Variants in CCDC92B observed in about 807,000 individuals in gnomAD.
CCDC92B encodes the protein coiled-coil domain containing 92B, also known as coiled-coil domain-containing 92B.
A neutral mutation model predicts 5.6 loss-of-function variants in CCDC92B; 2 were observed. The ratio of observed to expected loss-of-function variants is 0.36; its 90% CI spans 0.15 to 1.12. The LOEUF is 1.12. Among genes scored for constraint, CCDC92B ranks in the 50% most tolerant of loss-of-function variants. The probability of loss-of-function intolerance (pLI) is 0.40; values close to 1 mark genes in which losing one functional copy is unlikely to be tolerated. For missense variants in CCDC92B, 271 were observed against 262.2 expected, an observed-to-expected ratio of 1.03 and a Z score of -0.23; for synonymous variants, 115 against 122.3, an observed-to-expected ratio of 0.94 and a Z score of 0.39.
At chr17:2,745,992 T>C (rs1458644639) in intron 1 of CCDC92B, among the ~76,000 whole-genome samples, 12 of 151,960 alleles carry the variant, frequency 7.9e-5, no homozygotes, top group Admixed American at 5.3e-4. Flanking sequence ...TTCTTTTTTT[T>C]CCCCCCGAGA....
chr17:2,729,591 A>G (rs1478181709), intron 3 of CCDC92B, among the ~76,000 whole-genome samples: 1 of 152,126 alleles, frequency 6.6e-6, no homozygotes, highest in African/African-American at 2.4e-5. Flanking sequence ...TAGTTCTGAG[A>G]TCTTATAATC....
chr17:2,727,641 T>A (rs548655615), intron 3 of CCDC92B, among the ~76,000 whole-genome samples: 1 of 152,038 alleles, frequency 6.6e-6, no homozygotes, highest in African/African-American at 2.4e-5. Flanking sequence ...CTGGCCAGCA[T>A]GGCGAAACCC....
intron 1 of CCDC92B, among the ~76,000 whole-genome samples, chr17:2,744,197 A>AT (rs1428650339): frequency 1.4e-4 from 17 of 123,618 alleles, no homozygotes; most frequent in Non-Finnish European, 2.6e-4. Flanking sequence ...TTTTTTTTTC[A>AT]TTTTTTATTT....
At chr17:2,732,671 C>T (rs537935091) in intron 2 of CCDC92B, among the ~76,000 whole-genome samples, 12 of 151,534 alleles carry the variant, frequency 7.9e-5, no homozygotes, top group Admixed American at 5.3e-4. Context: ...GAGCTGAGAT[C>T]GTGCCACTGT....
intron 1 of CCDC92B, among the ~76,000 whole-genome samples, chr17:2,748,677 T>C (rs771702456): frequency 1.3e-5 from 2 of 152,182 alleles, no homozygotes; most frequent in African/African-American, 2.4e-5. Flanking sequence ...TGAGTCTTAC[T>C]GGGAATCACC....
At chr17:2,742,505 A>G (rs2070936133) in intron 1 of CCDC92B, among the ~76,000 whole-genome samples, 1 of 152,086 alleles carries the variant, frequency 6.6e-6, no homozygotes, top group African/African-American at 2.4e-5. Flanking sequence ...TTAATTCATG[A>G]TGATAGGGAG....
intron 1 of CCDC92B, among the ~76,000 whole-genome samples, chr17:2,739,352 C>T (rs555605059): frequency 4.7e-5 from 7 of 148,106 alleles, no homozygotes; most frequent in East Asian, 4.1e-4. Context: ...GGCGACAGAG[C>T]GAGACTCCAT....
chr17:2,743,031 A>C (rs2070940536), intron 1 of CCDC92B, among the ~76,000 whole-genome samples: 1 of 152,214 alleles, frequency 6.6e-6, no homozygotes, highest in Non-Finnish European at 1.5e-5. Context: ...CCCAAGTCCA[A>C]GCCAAAAACA....
chr17:2,748,270 C>A, intron 1 of CCDC92B: 1 of 985,256 alleles, frequency 1.0e-6, no homozygotes, highest in Non-Finnish European at 1.4e-6. Context: ...GAAGCCTGAC[C>A]CATCCTTCAG....
At chr17:2,746,970 C>G (rs540700875) in intron 1 of CCDC92B, among the ~76,000 whole-genome samples, 1 of 152,278 alleles carries the variant, frequency 6.6e-6, no homozygotes, top group South Asian at 2.1e-4. Flanking sequence ...CAGCGCCTGG[C>G]CTGCTAACCA....
At chr17:2,747,939 C>T (rs1445875031) in intron 1 of CCDC92B, 3 of 335,146 alleles carry the variant, frequency 9.0e-6, no homozygotes, top group African/African-American at 2.2e-5. Flanking sequence ...GGCAACAACC[C>T]CACGTTGAAG....
chr17:2,730,468 T>G lies in CCDC92B; in HGVS notation c.156A>C (p.Arg52Ser). 2 of 985,300 alleles carry G rather than the reference T, an allele frequency of 2.0e-6. No homozygotes were observed. The highest frequency in any genetic ancestry group is 5.2e-4 in the Middle Eastern group (1 of 1,916). 61.0% of individuals were successfully genotyped at this position (985,300 alleles called of 1,614,324 possible). ...CSELTHDLEM[R>S]EAQSHQQEAA... ...TACCTTGCTGGTGAGATTGGGCCTCTCTCATTTCCAGGTCATGGGTCAGTT... is the reference window on the plus strand; with the variant it reads ...TACCTTGCTGGTGAGATTGGGCCTCGCTCATTTCCAGGTCATGGGTCAGTT... The change falls in exon 3 of 4, where the codon AGA (arginine) becomes AGC (serine). Residue 52 changes from arginine (R) to serine (S), a missense_variant. Coordinates refer to ENST00000614400, the MANE Select transcript of CCDC92B (RefSeq NM_001355573.2).
chr17:2,736,907 TAAATA>T (rs2070864600), intron 1 of CCDC92B, among the ~76,000 whole-genome samples: 1 of 148,926 alleles, frequency 6.7e-6, no homozygotes, highest in Non-Finnish European at 1.5e-5. Context: ...AATAAATAAA[TAAATA>T]AAATACATAC....
rs1380341364 is a variant in CCDC92B, at chr17:2,723,381, G to C, written c.*1030C>G. ...ATTTTTGTATTTTTTAGTAGAGACG[G>C]GGTTTCACCACGTTGGCCAGGCTGG... On this transcript the variant is annotated 3_prime_UTR_variant, in exon 4 of 4. Transcript: ENST00000614400. 1 of 152,256 alleles carries C rather than the reference G, an allele frequency of 6.6e-6. No individual in the cohort carries two copies. The highest frequency in any genetic ancestry group is 2.4e-5 in the African/African-American group (1 of 41,422). 9.4% of individuals were successfully genotyped at this position (152,256 alleles called of 1,614,324 possible).
chr17:2,726,892 C>T (rs888699235), intron 3 of CCDC92B, among the ~76,000 whole-genome samples: 29 of 150,370 alleles, frequency 1.9e-4, no homozygotes, highest in African/African-American at 5.4e-4. Context: ...GGATTACAGG[C>T]GTGAGCCACC....
chr17:2,732,624 G>A (rs913913738), intron 2 of CCDC92B, among the ~76,000 whole-genome samples: 1 of 152,118 alleles, frequency 6.6e-6, no homozygotes, highest in South Asian at 2.1e-4. Flanking sequence ...GGCTGAGGCA[G>A]GAGAATTGCT....
rs997125783 is a variant in CCDC92B, at chr17:2,743,477, C to T, written c.-24+5934G>A. Among the ~76,000 whole-genome samples the T allele has an allele frequency of 9.9e-5, 15 of 152,160 alleles. 1 individual carries two copies. The highest frequency in any genetic ancestry group is 4.4e-5 in the Non-Finnish European group (3 of 68,012). On this transcript the variant is annotated intron_variant, in intron 1 of 3. Transcript: ENST00000614400. ...ATAAGTCTGATCATGTCTCCCCAAA[C>T]CCCACTCAAAATCCTCTGTGTGGCT...
intron 3 of CCDC92B, among the ~76,000 whole-genome samples, chr17:2,729,159 AC>A (rs2070768251): frequency 6.6e-6 from 1 of 152,130 alleles, no homozygotes; most frequent in African/African-American, 2.4e-5. Context: ...GGCGTGAGCC[AC>A]CACACCTGGC....
intron 1 of CCDC92B, among the ~76,000 whole-genome samples, chr17:2,745,459 C>T (rs899609525): frequency 1.2e-4 from 19 of 152,168 alleles, no homozygotes; most frequent in Non-Finnish European, 2.2e-4. Context: ...TTTCCCAGAA[C>T]GACTTGAGTA....
Sources: allele counts gnomAD v4.1 joint callset (sites outside exome capture counted in the v4.1 genomes callset), GRCh38; gene constraint gnomAD v4.1.1; transcripts MANE v1.5; gene names NCBI Gene and HGNC (gene_info 2026-07-23, HGNC 2026-07-21).